The following RIF1 variants were observed in gnomAD, a reference collection of about 807,000 sequenced individuals.
The protein encoded by RIF1 is replication timing regulatory factor 1, also known as telomere-associated protein RIF1.
RIF1 carries 45 observed loss-of-function variants against 247.1 expected under a neutral mutation model. The observed-to-expected ratio is 0.18, with a 90% CI of 0.14 to 0.23. RIF1 has a LOEUF of 0.23. RIF1 is among the 10% of genes least tolerant of loss of function. The pLI is 1.00. For missense variants in RIF1, 2,967 were observed against 2,862.5 expected (o/e 1.04, Z -0.83); for synonymous variants, 1,087 against 978.8 (o/e 1.11, Z -2.06).
chr2:151,467,333 TG>T (rs1177874848), intron 30 of RIF1, among the ~76,000 whole-genome samples: 1 of 152,152 alleles, frequency 6.6e-6, no homozygotes, highest in Non-Finnish European at 1.5e-5. Flanking sequence ...GAGATTAAGT[TG>T]TTTTTTGTTT....
rs1014018455 is a variant in RIF1 at position 151,410,455 on chromosome 2, C to G, written c.32C>G (p.Pro11Arg). ...GCCAGGGGTCAGAGCCCCCTCGCGC[C>G]GCTGTTGGAGACTTTGGAAGACCCT... MTARGQSPLA[P>R]LLETLEDPSA... Residue 11 changes from proline to arginine, a missense_variant, in exon 2 of 36, where the codon CCG (proline) becomes CGG (arginine). Physicochemically the swap from Pro to Arg is moderately radical, Grantham distance 103. Coordinates refer to ENST00000444746, the MANE Select transcript of RIF1 (RefSeq NM_018151.5). The G allele has an allele frequency of 1.2e-6, 2 of 1,614,040 alleles. No homozygotes were observed. Among genetic ancestry groups the G allele is most frequent in the Non-Finnish European group, 1.7e-6 (2 of 1,180,016 alleles).
intron 2 of RIF1, 145 bp downstream of exon 2, chr2:151,410,672 G>C: frequency 1.5e-6 from 1 of 680,100 alleles, no homozygotes; most frequent in Non-Finnish European, 2.6e-6. Context: ...GCCTTGGGGG[G>C]CGGGGGAGAT....
At chr2:151,458,007 TGATC>T in intron 24 of RIF1, 44 bp downstream of exon 24, 1 of 1,374,976 alleles carries the variant, frequency 7.3e-7, no homozygotes, top group Non-Finnish European at 1.0e-6. Flanking sequence ...TATTCTGTTG[TGATC>T]ATATAAATTG....
rs1696899438 is a variant in RIF1, at chr2:151,466,463, C to T, written c.6600+343C>T. 2.0e-5 allele frequency among the ~76,000 whole-genome samples: 3 copies of T among 152,066 alleles called. 1 individual carries two copies. In the South Asian group the frequency reaches 6.2e-4, roughly 32 times the overall value. ...AGATTTAGGAATGCAGGCAACACTG[C>T]CATTGATAAAGCAGATTTAGTAGTT... is the stretch of plus-strand genomic sequence containing the variant. On this transcript the variant is annotated intron_variant, in intron 30 of 35. Coordinates refer to ENST00000444746, the MANE Select transcript of RIF1 (RefSeq NM_018151.5).
rs1009486196 is a variant in RIF1, at chr2:151,426,925, G to C, written c.787-1859G>C. On this transcript the variant is annotated intron_variant, in intron 8 of 35. Coordinates refer to ENST00000444746, the MANE Select transcript of RIF1 (RefSeq NM_018151.5). ...GCCTCCCAAAGTGCTGGGATTACAGGTGTTAGCCACTGTGCCAGGCCTAGG... is the reference window on the plus strand; with the variant it reads ...GCCTCCCAAAGTGCTGGGATTACAGCTGTTAGCCACTGTGCCAGGCCTAGG... Among the ~76,000 whole-genome samples the C allele has an allele frequency of 2.0e-5, 3 of 152,204 alleles. No individual in the cohort carries two copies. The Middle Eastern group carries it at 0.01, about 518-fold the overall frequency.
intron 20 of RIF1, among the ~76,000 whole-genome samples, chr2:151,449,119 A>G (rs188942318): frequency 6.6e-6 from 1 of 152,346 alleles, no homozygotes; most frequent in Admixed American, 6.5e-5. Context: ...GTTTTTTAAC[A>G]TTATAAATGG....
At chr2:151,415,746 G>A (rs1418203198) in intron 4 of RIF1, among the ~76,000 whole-genome samples, 1 of 151,110 alleles carries the variant, frequency 6.6e-6, no homozygotes, top group Non-Finnish European at 1.5e-5. Context: ...GTGTGGTGGC[G>A]CATTCCTGTA....
At position 151,475,274 on chromosome 2, in the gene RIF1, G is replaced by A. The variant is rs1228282366; in HGVS notation, c.*203G>A. The A allele has an allele frequency of 6.7e-5, 36 of 535,830 alleles. 1 individual carries two copies. The highest frequency in any genetic ancestry group is 5.7e-4 in the South Asian group (26 of 45,442). 33.2% of individuals were successfully genotyped at this position (535,830 alleles called of 1,614,324 possible). ...AAGATCCTTTTTTTTTTCATAATATGTATTCTTGGCTGCTATGCGTGGTTT... is the reference window on the plus strand; with the variant it reads ...AAGATCCTTTTTTTTTTCATAATATATATTCTTGGCTGCTATGCGTGGTTT... On this transcript the variant is annotated 3_prime_UTR_variant, in exon 36 of 36. Transcript: ENST00000444746.
chr2:151,419,242 T>A, intron 6 of RIF1, among the ~76,000 whole-genome samples: 1 of 151,870 alleles, frequency 6.6e-6, no homozygotes, highest in Non-Finnish European at 1.5e-5. Context: ...TGATAAAAAT[T>A]ATAGTGTAGG....
At chr2:151,431,779 C>CTGAATGAATGAATGAATGAATGAA (rs10681364) in intron 9 of RIF1, among the ~76,000 whole-genome samples, 8 of 149,544 alleles carry the variant, frequency 5.3e-5, no homozygotes, top group South Asian at 2.1e-4. Context: ...ACTTCCGTCT[C>CTGAATGAATGAATGAATGAATGAA]TGAATGAATG....
At chr2:151,455,886 C>G (rs1020113183) in intron 22 of RIF1, among the ~76,000 whole-genome samples, 1 of 152,016 alleles carries the variant, frequency 6.6e-6, no homozygotes, top group Admixed American at 6.6e-5. Flanking sequence ...AACTTTTTAC[C>G]CAATTTCTGA....
chr2:151,529,441 A>T, the RIF1 span: 1 of 676,652 alleles, frequency 1.5e-6, no homozygotes, highest in South Asian at 1.8e-5. Flanking sequence ...AATTTTAAAA[A>T]TCTGCTGTGG....
intron 13 of RIF1, among the ~76,000 whole-genome samples, chr2:151,437,858 T>G (rs1219561270): frequency 6.6e-6 from 1 of 152,228 alleles, no homozygotes; most frequent in East Asian, 1.9e-4. Flanking sequence ...ACATAAGTTA[T>G]GCAGAGTCAC....
chr2:151,443,491 C>T (rs1449248813), intron 17 of RIF1, 38 bp from the exon 18 acceptor site: 1 of 1,492,738 alleles, frequency 6.7e-7, no homozygotes, highest in East Asian at 2.3e-5. Flanking sequence ...TATATTCCTG[C>T]CAAAAAGTTG....
At chr2:151,531,402 C>T in the RIF1 span, among the ~76,000 whole-genome samples, 9 of 146,940 alleles carry the variant, frequency 6.1e-5, no homozygotes, top group African/African-American at 2.0e-4. Flanking sequence ...CTGCAACCTC[C>T]ATCTCCTGGG....
chr2:151,437,436 A>G (rs755607997), intron 13 of RIF1, 85 bp downstream of exon 13: 5 of 1,039,320 alleles, frequency 4.8e-6, no homozygotes, highest in Non-Finnish European at 7.4e-6. Flanking sequence ...CACACCTGTA[A>G]TCCCAGCACT....
chr2:151,446,657 G>C, intron 20 of RIF1, 82 bp downstream of exon 20: 2 of 1,330,636 alleles, frequency 1.5e-6, no homozygotes, highest in Non-Finnish European at 2.1e-6. Flanking sequence ...TTTGTGAACT[G>C]TCACCTATTA....
the RIF1 span, chr2:151,525,941 G>A: frequency 1.3e-5 from 21 of 1,592,926 alleles, no homozygotes; most frequent in Non-Finnish European, 1.7e-5. Context: ...CCAAGAGACC[G>A]GTGGTTGATC....
In RIF1 at chr2:151,475,212, CTT is replaced by C; in HGVS notation, c.*142_*143del. 1 of 636,970 alleles carries C rather than the reference CTT, an allele frequency of 1.6e-6. No individual in the cohort carries two copies. Among genetic ancestry groups the C allele is most frequent in the Non-Finnish European group, 2.7e-6 (1 of 368,272 alleles). 39.5% of individuals were successfully genotyped at this position (636,970 alleles called of 1,614,324 possible). A position where few individuals can be genotyped will look rare whatever the true frequency, so the allele number is the denominator to read the frequency against. On this transcript the variant is annotated 3_prime_UTR_variant, in exon 36 of 36. Transcript: ENST00000444746. Reference sequence around the variant, plus strand: ...CATTTCAAACCCTGAAGGACAGTGACTTATTATGTAAGTTCAATTTTGTAAGT... The same window carrying C: ...CATTTCAAACCCTGAAGGACAGTGACATTATGTAAGTTCAATTTTGTAAGT...
Sources: gnomAD v4.1 joint callset for allele counts (sites outside exome capture counted in the v4.1 genomes callset) on GRCh38, gnomAD v4.1.1 for gene constraint, MANE v1.5 for transcripts, NCBI Gene and HGNC (gene_info 2026-07-23, HGNC 2026-07-21) for gene names.